The following RUNDC3B variants were observed in gnomAD, a reference collection of about 807,000 sequenced individuals.
The protein encoded by RUNDC3B is RUN domain containing 3B, also known as RUN domain-containing protein 3B.
A neutral mutation model predicts 58.4 loss-of-function variants in RUNDC3B; 33 were observed. The ratio of observed to expected loss-of-function variants is 0.56; its 90% CI spans 0.43 to 0.75. The LOEUF (loss-of-function observed/expected upper bound fraction) is 0.75, where lower values mean the gene tolerates loss of function less well. Among genes scored for constraint, RUNDC3B ranks in the 30% least tolerant of loss-of-function variants. RUNDC3B has a pLI of 0.00. For missense variants in RUNDC3B, 501 were observed against 535.7 expected, an observed-to-expected ratio of 0.94 and a Z score of 0.64; for synonymous variants, 193 against 195.2, an observed-to-expected ratio of 0.99 and a Z score of 0.10.
chr7:87,784,708 G>T (rs1835111111), intron 8 of RUNDC3B, among the ~76,000 whole-genome samples: 1 of 147,418 alleles, frequency 6.8e-6, no homozygotes, highest in Non-Finnish European at 1.5e-5. Context: ...GTGGTGGTAG[G>T]GGAGATGTGG....
At chr7:87,768,510 A>G (rs1834099606) in intron 6 of RUNDC3B, among the ~76,000 whole-genome samples, 1 of 152,250 alleles carries the variant, frequency 6.6e-6, no homozygotes, top group Non-Finnish European at 1.5e-5. Context: ...GTTTGGGGGC[A>G]ATGTGAGCCC....
chr7:87,827,420 G>GA (rs758364216), intron 10 of RUNDC3B, among the ~76,000 whole-genome samples: 55 of 152,260 alleles, frequency 3.6e-4, no homozygotes, highest in Non-Finnish European at 7.5e-4. Flanking sequence ...CTGGGAGGCC[G>GA]AGATTGCAGT....
chr7:87,654,232 A>T (rs772784187), intron 2 of RUNDC3B, among the ~76,000 whole-genome samples: 1 of 152,054 alleles, frequency 6.6e-6, no homozygotes, highest in Non-Finnish European at 1.5e-5. Context: ...TAAAAAAGAC[A>T]ATCCTGAAAA....
intron 2 of RUNDC3B, among the ~76,000 whole-genome samples, chr7:87,659,851 C>T (rs1268845778): frequency 6.6e-6 from 1 of 152,092 alleles, no homozygotes; most frequent in African/African-American, 2.4e-5. Flanking sequence ...GAAAATACAT[C>T]TACTTAATTT....
intron 1 of RUNDC3B, among the ~76,000 whole-genome samples, chr7:87,644,171 G>A (rs992393441): frequency 5.3e-5 from 8 of 152,216 alleles, no homozygotes; most frequent in African/African-American, 1.7e-4. Context: ...GCAAATTGTT[G>A]ATTCTGAAAA....
At chr7:87,726,392 A>G (rs962265112) in intron 4 of RUNDC3B, among the ~76,000 whole-genome samples, 7 of 152,194 alleles carry the variant, frequency 4.6e-5, no homozygotes, top group African/African-American at 1.7e-4. Flanking sequence ...GTCAAAGATC[A>G]GATGGTTGTA....
At chr7:87,751,721 T>G (rs556528009) in intron 6 of RUNDC3B, among the ~76,000 whole-genome samples, 1 of 152,264 alleles carries the variant, frequency 6.6e-6, no homozygotes, top group South Asian at 2.1e-4. Context: ...TTTTGTACAT[T>G]GATTTTGTAT....
intron 2 of RUNDC3B, among the ~76,000 whole-genome samples, chr7:87,700,188 A>G (rs1828897047): frequency 6.6e-6 from 1 of 152,108 alleles, no homozygotes; most frequent in East Asian, 1.9e-4. Flanking sequence ...TTTTATTGTT[A>G]AGACTATGAT....
chr7:87,719,703 A>G (rs112817584), intron 4 of RUNDC3B, among the ~76,000 whole-genome samples: 4,519 of 151,976 alleles, frequency 0.03, 64 homozygotes, highest in Middle Eastern at 0.048. Flanking sequence ...ATAAAGGTAG[A>G]ATCTTAAAAC....
intron 8 of RUNDC3B, among the ~76,000 whole-genome samples, chr7:87,798,416 AG>A (rs1477582340): frequency 1.3e-5 from 2 of 152,188 alleles, no homozygotes; most frequent in African/African-American, 4.8e-5. Context: ...CCTGCATTAT[AG>A]TAGAAATGTT....
At chr7:87,650,792 C>A in intron 1 of RUNDC3B, 30 bp from the exon 2 acceptor site, 1 of 1,400,254 alleles carries the variant, frequency 7.1e-7, no homozygotes, top group Non-Finnish European at 1.0e-6. Flanking sequence ...TCAACTCTGC[C>A]TAAAAGCAAC....
chr7:87,663,758 T>C (rs370463997), intron 2 of RUNDC3B, among the ~76,000 whole-genome samples: 5 of 152,154 alleles, frequency 3.3e-5, no homozygotes, highest in Admixed American at 6.6e-5. Flanking sequence ...CAGAAATTTA[T>C]TTCTCAGTTC....
At chr7:87,754,184 T>C (rs1320771601) in intron 6 of RUNDC3B, among the ~76,000 whole-genome samples, 1 of 152,182 alleles carries the variant, frequency 6.6e-6, no homozygotes, top group Non-Finnish European at 1.5e-5. Flanking sequence ...GACCACATAA[T>C]TGGACATAAA....
intron 6 of RUNDC3B, among the ~76,000 whole-genome samples, chr7:87,743,826 A>C (rs994257046): frequency 1.3e-5 from 2 of 152,150 alleles, no homozygotes; most frequent in Admixed American, 1.3e-4. Flanking sequence ...ATTAGGTCCC[A>C]GCTATTTATC....
intron 10 of RUNDC3B, among the ~76,000 whole-genome samples, chr7:87,829,495 G>A (rs1838020124): frequency 6.6e-6 from 1 of 152,128 alleles, no homozygotes; most frequent in South Asian, 2.1e-4. Context: ...TCAAACATCA[G>A]ATGGCTATAC....
Position 87,770,715 on chromosome 7 carries a change from T to C in RUNDC3B, c.764T>C (p.Val255Ala), listed in dbSNP as rs779781399. The C allele has an allele frequency of 2.5e-6, 4 of 1,612,870 alleles. No homozygotes were observed. The South Asian group carries it at 3.3e-5, about 13-fold the overall frequency. The change falls in exon 7 of 11, where the codon GTT (valine) becomes GCT (alanine). Residue 255 changes from valine to alanine, a missense_variant. Physicochemically the swap from Val to Ala is moderately conservative, Grantham distance 64. Transcript: ENST00000394654. Reference protein sequence around the residue: ...ENSWFNKCKRVKQKYQLTLEQ... With the variant: ...ENSWFNKCKRAKQKYQLTLEQ... ...AGTTGGTTCAACAAGTGTAAGAGAG[T>C]TAAACAAAAGTATCAGCTTACCCTG...
At chr7:87,761,284 T>G (rs1833666332) in intron 6 of RUNDC3B, among the ~76,000 whole-genome samples, 1 of 151,920 alleles carries the variant, frequency 6.6e-6, no homozygotes, top group Admixed American at 6.6e-5. Flanking sequence ...AGACACCACT[T>G]TATACTCACA....
At chr7:87,755,780 ATCTGGAAGTATTCCC>A (rs984056047) in intron 6 of RUNDC3B, among the ~76,000 whole-genome samples, 17 of 152,200 alleles carry the variant, frequency 1.1e-4, no homozygotes, top group African/African-American at 4.1e-4. Flanking sequence ...AATGGGCAAA[ATCTGGAAGTATTCCC>A]CTTGAAAACT....
intron 10 of RUNDC3B, among the ~76,000 whole-genome samples, chr7:87,823,791 TACACACAC>T (rs113441553): frequency 1.9e-4 from 28 of 143,786 alleles, no homozygotes; most frequent in East Asian, 4.1e-4. Flanking sequence ...TTCATATATA[TACACACAC>T]ACACACACAC....
Sources: gnomAD v4.1 joint callset for allele counts (sites outside exome capture counted in the v4.1 genomes callset) on GRCh38, gnomAD v4.1.1 for gene constraint, MANE v1.5 for transcripts, NCBI Gene and HGNC (gene_info 2026-07-23, HGNC 2026-07-21) for gene names.